SVIL: variants seen among roughly 807,000 people sequenced by gnomAD.
The protein encoded by SVIL is supervillin.
Under a neutral mutation model 240.4 loss-of-function variants are expected in SVIL, and 101 were observed. That is an observed-to-expected ratio of 0.42 (90% confidence interval 0.36 to 0.50). The LOEUF (loss-of-function observed/expected upper bound fraction) is 0.50. Among genes scored for constraint, SVIL ranks in the 20% least tolerant of loss-of-function variants. The pLI is 0.01. For synonymous variants in SVIL, 999 were observed against 1,100.0 expected, an observed-to-expected ratio of 0.91 and a Z score of 1.82; for missense variants, 2,512 against 2,818.7, an observed-to-expected ratio of 0.89 and a Z score of 2.46.
intron 16 of SVIL, among the ~76,000 whole-genome samples, chr10:29,513,269 G>A (rs996045244): frequency 1.6e-4 from 25 of 152,120 alleles, no homozygotes; most frequent in African/African-American, 6.0e-4. Context: ...ATGCAGACAT[G>A]GGCTTAAAAA....
intron 3 of SVIL, among the ~76,000 whole-genome samples, chr10:29,647,636 T>TG (rs149775159): frequency 1.3e-5 from 2 of 151,932 alleles, no homozygotes; most frequent in South Asian, 2.1e-4. Context: ...TGTGTGTGTG[T>TG]TTGTGTGTGT....
At chr10:29,559,591 C>T (rs918152236) in intron 3 of SVIL, among the ~76,000 whole-genome samples, 7 of 152,128 alleles carry the variant, frequency 4.6e-5, no homozygotes, top group East Asian at 1.9e-4. Context: ...AAATAAACAT[C>T]GATGGTCTAA....
intron 1 of SVIL, among the ~76,000 whole-genome samples, chr10:29,611,160 A>G (rs1252239627): frequency 5.9e-5 from 9 of 152,128 alleles, no homozygotes; most frequent in Admixed American, 5.9e-4. Context: ...TCACTGGAGC[A>G]TGATCTACAG....
chr10:29,506,656 TGGAGGGAGGGGACAGAGGCCCTATGA>T (rs1949312813), intron 17 of SVIL, among the ~76,000 whole-genome samples: 7 of 134,982 alleles, frequency 5.2e-5, no homozygotes, highest in South Asian at 5.0e-4. Context: ...ACAGAGGCCC[TGGAGGGAGGGGACAGAGGCCCTATGA>T]GGGAGGGGAC....
rs565460895 is a variant in SVIL at position 29,534,254 on chromosome 10, A to C, written c.909-796T>G. On this transcript the variant is annotated intron_variant, in intron 7 of 37. Transcript: ENST00000355867. ...CCTGGGGCTCATGCCTGTGATCACA[A>C]CCTTTTGGGAGGCCTGGGCAGGAGG... Among the ~76,000 whole-genome samples the C allele has an allele frequency of 6.0e-3, 916 of 152,284 alleles. 14 individuals are homozygous for C. The highest frequency in any genetic ancestry group is 0.021 in the African/African-American group (883 of 41,580).
At chr10:29,690,252 G>C (rs924362033) in intron 1 of SVIL, among the ~76,000 whole-genome samples, 2 of 152,122 alleles carry the variant, frequency 1.3e-5, no homozygotes, top group African/African-American at 4.8e-5. Flanking sequence ...TAGTCACAAT[G>C]ATCACCTAAA....
upstream of SVIL, chr10:29,736,811 C>G (rs1216691522): frequency 6.6e-6 from 1 of 152,348 alleles, no homozygotes; most frequent in South Asian, 2.1e-4. Flanking sequence ...AGCTGGCTCT[C>G]GAGGAGGTGT....
At chr10:29,667,549 G>A (rs1959407649) in intron 2 of SVIL, among the ~76,000 whole-genome samples, 1 of 151,974 alleles carries the variant, frequency 6.6e-6, no homozygotes, top group Admixed American at 6.6e-5. Context: ...ACAATGGTAT[G>A]GTCTTCTCAA....
intron 2 of SVIL, among the ~76,000 whole-genome samples, chr10:29,685,291 T>A (rs1960979227): frequency 6.6e-6 from 1 of 152,258 alleles, no homozygotes; most frequent in African/African-American, 2.4e-5. Flanking sequence ...ATAGTGTATA[T>A]GCACCACATG....
chr10:29,601,059 T>C (rs1017885661), intron 1 of SVIL, among the ~76,000 whole-genome samples: 3 of 152,248 alleles, frequency 2.0e-5, no homozygotes, highest in African/African-American at 7.2e-5. Context: ...ACTTATGTGC[T>C]GACTTGAAAG....
At chr10:29,597,730 G>C (rs1157084867) in intron 1 of SVIL, among the ~76,000 whole-genome samples, 1 of 151,842 alleles carries the variant, frequency 6.6e-6, no homozygotes, top group African/African-American at 2.4e-5. Flanking sequence ...TTCCACTCCT[G>C]CTCTGAACCT....
At position 29,510,911 on chromosome 10, in the gene SVIL, G is replaced by C. The variant is rs1436870305; in HGVS notation, c.3516+1824C>G. On this transcript the variant is annotated intron_variant, in intron 17 of 37. Coordinates refer to ENST00000355867, the MANE Select transcript of SVIL (RefSeq NM_021738.3). ...GTCAGAGGCTGTCTGAGAAACACCT[G>C]ACCTCAACAGAACCTGAGATTGCCC... 7.1e-5 allele frequency among the ~76,000 whole-genome samples: 8 copies of C among 113,248 alleles called. 2 individuals carry two copies. The highest frequency in any genetic ancestry group is 9.0e-5 in the Non-Finnish European group (5 of 55,762). The allele number at this position is 113,248 out of a possible 152,430, so 74.3% of individuals were successfully genotyped here. A position where few individuals can be genotyped will look rare whatever the true frequency, so the allele number is the denominator to read the frequency against.
At chr10:29,722,977 A>G (rs577590974) in intron 1 of SVIL, among the ~76,000 whole-genome samples, 6 of 152,366 alleles carry the variant, frequency 3.9e-5, no homozygotes, top group African/African-American at 1.4e-4. Flanking sequence ...CATCTGTGAA[A>G]TGGGAGTAAT....
chr10:29,566,430 G>A (rs1954966757), intron 2 of SVIL, among the ~76,000 whole-genome samples: 1 of 152,320 alleles, frequency 6.6e-6, no homozygotes. Flanking sequence ...CAGACAGGAG[G>A]AGCAGGAGCA....
chr10:29,582,747 T>C (rs1956002358), intron 1 of SVIL, among the ~76,000 whole-genome samples: 1 of 149,068 alleles, frequency 6.7e-6, no homozygotes, highest in African/African-American at 2.5e-5. Flanking sequence ...ATAATAATAA[T>C]AATAATAATA....
At chr10:29,648,147 C>T (rs1482278694) in intron 3 of SVIL, among the ~76,000 whole-genome samples, 1 of 152,158 alleles carries the variant, frequency 6.6e-6, no homozygotes, top group Admixed American at 6.5e-5. Context: ...TTCATGTCAC[C>T]TGGATCCCCA....
At chr10:29,672,198 C>T (rs1449970277) in intron 2 of SVIL, among the ~76,000 whole-genome samples, 1 of 152,210 alleles carries the variant, frequency 6.6e-6, no homozygotes, top group Non-Finnish European at 1.5e-5. Context: ...CATGCTTATT[C>T]ATTTCTGTAT....
At position 29,685,358 on chromosome 10, in the gene SVIL, A is replaced by G. The variant is rs116273973; in HGVS notation, c.-301+1195T>C. 3.0e-3 allele frequency among the ~76,000 whole-genome samples: 456 copies of G among 152,268 alleles called. 3 individuals are homozygous for G. Among genetic ancestry groups the G allele is most frequent in the African/African-American group, 0.01 (432 of 41,542 alleles). On this transcript the variant is annotated intron_variant, in intron 2 of 35. Transcript: ENST00000375400. ...ATTTAGGTTGATTCCATGTCTTGCT[A>G]TTGAGAATGGTGTTGTGATGAACAT... is the stretch of plus-strand genomic sequence containing the variant.
intron 1 of SVIL, among the ~76,000 whole-genome samples, chr10:29,697,044 G>A (rs1237725848): frequency 1.0e-4 from 13 of 128,366 alleles, no homozygotes; most frequent in South Asian, 8.2e-4. Flanking sequence ...CCGGCCAGCC[G>A]CCCCGTCCGG....
Sources: allele counts gnomAD v4.1 joint callset (sites outside exome capture counted in the v4.1 genomes callset), GRCh38; gene constraint gnomAD v4.1.1; transcripts MANE v1.5; gene names NCBI Gene and HGNC (gene_info 2026-07-23, HGNC 2026-07-21).